Variants in MECOM observed in about 807,000 individuals in gnomAD.
The protein encoded by MECOM is MDS1 and EVI1 complex locus.
Under a neutral mutation model 116.3 loss-of-function variants are expected in MECOM, and 13 were observed. The ratio of observed to expected loss-of-function variants is 0.11; its 90% CI spans 0.07 to 0.18. The LOEUF (loss-of-function observed/expected upper bound fraction) is 0.18. Among genes scored for constraint, MECOM ranks in the 10% least tolerant of loss-of-function variants. The probability of loss-of-function intolerance (pLI) is 1.00; values close to 1 mark genes in which losing one functional copy is unlikely to be tolerated. For synonymous variants in MECOM, 528 were observed against 535.2 expected, an observed-to-expected ratio of 0.99 and a Z score of 0.19; for missense variants, 1,299 against 1,509.0, an observed-to-expected ratio of 0.86 and a Z score of 2.31.
At chr3:169,208,180 T>G (rs1179090941) in intron 2 of MECOM, among the ~76,000 whole-genome samples, 4 of 151,072 alleles carry the variant, frequency 2.6e-5, no homozygotes, top group Non-Finnish European at 5.9e-5. Flanking sequence ...AACACAGTCT[T>G]AGTCTTCTAG....
chr3:169,159,732 G>A (rs1385796719), intron 2 of MECOM, among the ~76,000 whole-genome samples: 1 of 152,126 alleles, frequency 6.6e-6, no homozygotes, highest in African/African-American at 2.4e-5. Flanking sequence ...TAAAAAAGAA[G>A]TTTAGGATAG....
intron 1 of MECOM, among the ~76,000 whole-genome samples, chr3:169,432,018 G>A (rs750872857): frequency 6.7e-6 from 1 of 150,036 alleles, no homozygotes; most frequent in Non-Finnish European, 1.5e-5. Flanking sequence ...TTTTCACATT[G>A]TGTTAGCCAA....
chr3:169,273,909 CTT>C (rs545229387), intron 2 of MECOM, among the ~76,000 whole-genome samples: 45 of 117,050 alleles, frequency 3.8e-4, no homozygotes, highest in African/African-American at 9.3e-4. Context: ...CTCTCCAAAG[CTT>C]TTTTTTTTTT....
chr3:169,510,440 C>G (rs993178690), intron 1 of MECOM, among the ~76,000 whole-genome samples: 3 of 152,198 alleles, frequency 2.0e-5, no homozygotes, highest in Non-Finnish European at 4.4e-5. Context: ...CAGATTAATC[C>G]AAGTTGAGTG....
chr3:169,261,013 T>A (rs1757462833), intron 2 of MECOM, among the ~76,000 whole-genome samples: 2 of 152,176 alleles, frequency 1.3e-5, no homozygotes, highest in South Asian at 4.1e-4. Context: ...CATTCCATGA[T>A]AATAGAGCAC....
At chr3:169,445,822 G>C (rs1293398358) in intron 1 of MECOM, among the ~76,000 whole-genome samples, 1 of 152,226 alleles carries the variant, frequency 6.6e-6, no homozygotes, top group Non-Finnish European at 1.5e-5. Context: ...ACCCCCTCTT[G>C]CATCAGTGTA....
intron 1 of MECOM, among the ~76,000 whole-genome samples, chr3:169,613,015 C>T (rs1769474800): frequency 6.6e-6 from 1 of 152,066 alleles, no homozygotes; most frequent in Admixed American, 6.6e-5. Context: ...TTTGACTTTC[C>T]CCAGGACCAA....
rs568663308 is a variant in MECOM, at chr3:169,179,499, A to C, written c.376-35667T>G. On this transcript the variant is annotated intron_variant, in intron 2 of 16. Transcript: ENST00000651503. ...GACTAGGGGCTACAGTTCAGATGAA[A>C]TGCAATGAAAAAGCTCGTTGACCTC... Among the ~76,000 whole-genome samples the C allele has an allele frequency of 2.6e-5, 4 of 152,346 alleles. No homozygotes were observed. In the East Asian group the frequency reaches 7.7e-4, roughly 29 times the overall value.
chr3:169,480,614 T>A (rs147028597), intron 1 of MECOM, among the ~76,000 whole-genome samples: 2 of 152,156 alleles, frequency 1.3e-5, no homozygotes, highest in Admixed American at 6.6e-5. Context: ...AAGTATAGGA[T>A]CCTTTAGTGT....
chr3:169,146,211 A>AG, intron 2 of MECOM: 1 of 1,132,414 alleles, frequency 8.8e-7, no homozygotes. Flanking sequence ...AAAGGAAAAA[A>AG]AAAAAAATCC....
intron 2 of MECOM, among the ~76,000 whole-genome samples, chr3:169,367,194 G>C (rs765348079): frequency 5.9e-5 from 9 of 152,080 alleles, no homozygotes; most frequent in Non-Finnish European, 1.2e-4. Flanking sequence ...TGAGAGGAGA[G>C]AGTCTGAAAG....
At chr3:169,494,940 G>C (rs186340536) in intron 1 of MECOM, among the ~76,000 whole-genome samples, 2 of 152,188 alleles carry the variant, frequency 1.3e-5, no homozygotes, top group Non-Finnish European at 2.9e-5. Context: ...AGTGAGGATG[G>C]AGAGGAGAAT....
chr3:169,472,177 C>A (rs979745203), intron 1 of MECOM, among the ~76,000 whole-genome samples: 19 of 151,408 alleles, frequency 1.3e-4, no homozygotes, highest in African/African-American at 4.4e-4. Context: ...ATATACACAC[C>A]AACTGTGTAC....
At chr3:169,187,176 T>C (rs1184475175) in intron 2 of MECOM, among the ~76,000 whole-genome samples, 1 of 152,112 alleles carries the variant, frequency 6.6e-6, no homozygotes, top group Non-Finnish European at 1.5e-5. Context: ...GGTAGAAGTT[T>C]CAAATTCAAG....
intron 2 of MECOM, among the ~76,000 whole-genome samples, chr3:169,163,248 A>T (rs9834275): frequency 0.55 from 83,248 of 151,934 alleles, 23,821 homozygotes; most frequent in African/African-American, 0.7. Flanking sequence ...ATATTTTATT[A>T]CTAACATTAG....
chr3:169,573,896 AT>A (rs1764205121), intron 1 of MECOM, among the ~76,000 whole-genome samples: 1 of 152,186 alleles, frequency 6.6e-6, no homozygotes, highest in African/African-American at 2.4e-5. Flanking sequence ...CATGTTCTGC[AT>A]TTTTTTAACT....
chr3:169,594,898 A>AAC (rs1766958086), intron 1 of MECOM, among the ~76,000 whole-genome samples: 1 of 151,680 alleles, frequency 6.6e-6, no homozygotes, highest in African/African-American at 2.4e-5. Flanking sequence ...AAAACAAAAA[A>AAC]AAAACTGGAT....
intron 1 of MECOM, among the ~76,000 whole-genome samples, chr3:169,540,039 C>T (rs1017002404): frequency 7.2e-5 from 11 of 152,132 alleles, no homozygotes; most frequent in African/African-American, 1.9e-4. Context: ...GCCAGACTTC[C>T]GTCCTTATCA....
At chr3:169,195,027 A>G (rs776496415) in intron 2 of MECOM, among the ~76,000 whole-genome samples, 8 of 152,080 alleles carry the variant, frequency 5.3e-5, no homozygotes, top group African/African-American at 9.7e-5. Context: ...AGCAAGTTAT[A>G]GAACATCTTT....
Sources: gnomAD v4.1 joint callset for allele counts (sites outside exome capture counted in the v4.1 genomes callset) on GRCh38, gnomAD v4.1.1 for gene constraint, MANE v1.5 for transcripts, NCBI Gene and HGNC (gene_info 2026-07-23, HGNC 2026-07-21) for gene names.